Variants in ITSN1 observed in about 807,000 individuals in gnomAD.
The protein encoded by ITSN1 is intersectin 1.
ITSN1 carries 58 observed loss-of-function variants against 239.8 expected under a neutral mutation model. That is an observed-to-expected ratio of 0.24 (90% confidence interval 0.20 to 0.30). The LOEUF (loss-of-function observed/expected upper bound fraction) is 0.30. Ranked by LOEUF, ITSN1 falls within the 10% of genes least tolerant of loss-of-function variation. The pLI, the probability that ITSN1 is intolerant of heterozygous loss-of-function variation, is 1.00. For synonymous variants in ITSN1, 780 were observed against 770.8 expected, an observed-to-expected ratio of 1.01 and a Z score of -0.20; for missense variants, 1,558 against 2,103.3, an observed-to-expected ratio of 0.74 and a Z score of 5.07.
At chr21:33,877,469 G>A (rs1984133391) in intron 34 of ITSN1, among the ~76,000 whole-genome samples, 1 of 152,176 alleles carries the variant, frequency 6.6e-6, no homozygotes, top group Non-Finnish European at 1.5e-5. Context: ...GTGAATCGTG[G>A]TTGTAAACTT....
intron 38 of ITSN1, among the ~76,000 whole-genome samples, chr21:33,886,051 A>G (rs559947427): frequency 6.6e-6 from 1 of 152,136 alleles, no homozygotes; most frequent in East Asian, 1.9e-4. Flanking sequence ...TACTAAAAAT[A>G]TAAAAAATTA....
At chr21:33,886,176 C>T (rs1233831607) in intron 38 of ITSN1, 111 bp from the exon 39 acceptor site, 3 of 845,368 alleles carry the variant, frequency 3.5e-6, no homozygotes, top group African/African-American at 3.5e-5. Flanking sequence ...CATACCACTG[C>T]ACTGCAGCCT....
At chr21:33,808,731 G>A (rs2072665613) in intron 20 of ITSN1, among the ~76,000 whole-genome samples, 1 of 152,088 alleles carries the variant, frequency 6.6e-6, no homozygotes, top group South Asian at 2.1e-4. Flanking sequence ...GATTAAACTT[G>A]CCCAAAGTCA....
At chr21:33,770,660 C>A (rs2069090217) in intron 11 of ITSN1, among the ~76,000 whole-genome samples, 1 of 152,066 alleles carries the variant, frequency 6.6e-6, no homozygotes, top group African/African-American at 2.4e-5. Context: ...TCATATATGA[C>A]TGTTTATGAC....
In ITSN1 at chr21:33,781,457, C is replaced by G. The variant is rs1470476993; in HGVS notation, c.1597-4C>G. The G allele has an allele frequency of 6.5e-7, 1 of 1,546,278 alleles. No homozygotes were observed. Among genetic ancestry groups the G allele is most frequent in the Admixed American group, 1.7e-5 (1 of 57,892 alleles). Reference sequence around the variant, plus strand: ...TCATTACTATTTTCCTCCTTCCTTCCCAGGAATCTCAGCAAATGCTTGGAA... The same window carrying G: ...TCATTACTATTTTCCTCCTTCCTTCGCAGGAATCTCAGCAAATGCTTGGAA... On this transcript the variant is annotated splice_polypyrimidine_tract_variant and splice_region_variant and intron_variant, in intron 14 of 39. Transcript: ENST00000381318.
intron 29 of ITSN1, among the ~76,000 whole-genome samples, chr21:33,841,739 T>G (rs2074830951): frequency 6.6e-6 from 1 of 152,202 alleles, no homozygotes; most frequent in African/African-American, 2.4e-5. Flanking sequence ...ATTCATTCTC[T>G]TTAGTTCCAA....
intron 30 of ITSN1, among the ~76,000 whole-genome samples, chr21:33,857,851 A>G (rs1392868253): frequency 6.6e-6 from 1 of 152,134 alleles, no homozygotes; most frequent in Admixed American, 6.5e-5. Flanking sequence ...GCCCTGGTAC[A>G]TGCCGGGTTC....
At chr21:33,662,368 A>G (rs533820702) in intron 1 of ITSN1, among the ~76,000 whole-genome samples, 36 of 152,214 alleles carry the variant, frequency 2.4e-4, no homozygotes, top group Non-Finnish European at 4.7e-4. Context: ...ATCCCATCAT[A>G]ACAGGAAAGC....
intron 1 of ITSN1, among the ~76,000 whole-genome samples, chr21:33,671,109 G>A: frequency 6.6e-6 from 1 of 152,152 alleles, no homozygotes. Context: ...AGTCGTATGG[G>A]ACAATTCCTC....
At chr21:33,862,439 A>G (rs1417846955) in intron 31 of ITSN1, among the ~76,000 whole-genome samples, 1 of 152,192 alleles carries the variant, frequency 6.6e-6, no homozygotes, top group African/African-American at 2.4e-5. Context: ...AGTTTGGGGT[A>G]ATGACAGATG....
chr21:33,678,889 T>G (rs1031552922), intron 1 of ITSN1, among the ~76,000 whole-genome samples: 1 of 152,196 alleles, frequency 6.6e-6, no homozygotes, highest in Non-Finnish European at 1.5e-5. Context: ...AATTTTTGTA[T>G]TTTTAGTAGA....
At chr21:33,736,514 GAGC>G (rs2147273596) in intron 5 of ITSN1, among the ~76,000 whole-genome samples, 1 of 152,346 alleles carries the variant, frequency 6.6e-6, no homozygotes, top group East Asian at 1.9e-4. Flanking sequence ...AGGCGAGGAA[GAGC>G]AGAAGTGAAC....
At chr21:33,796,249 G>C (rs996754087) in intron 17 of ITSN1, among the ~76,000 whole-genome samples, 5 of 152,112 alleles carry the variant, frequency 3.3e-5, no homozygotes, top group African/African-American at 1.2e-4. Flanking sequence ...GGGATTACAG[G>C]CATGAGCCAC....
intron 39 of ITSN1, among the ~76,000 whole-genome samples, chr21:33,887,790 T>C (rs1181108711): frequency 6.6e-6 from 1 of 151,938 alleles, no homozygotes; most frequent in Non-Finnish European, 1.5e-5. Flanking sequence ...AAATTTTTTG[T>C]AGAGACAGGG....
At chr21:33,814,347 A>G (rs2073121945) in intron 22 of ITSN1, 2 of 391,432 alleles carry the variant, frequency 5.1e-6, no homozygotes, top group Non-Finnish European at 9.4e-6. Flanking sequence ...ACCAGTGGGT[A>G]AGATCTTACT....
intron 1 of ITSN1, among the ~76,000 whole-genome samples, chr21:33,672,985 G>C (rs1421377970): frequency 6.6e-6 from 1 of 152,116 alleles, no homozygotes; most frequent in Non-Finnish European, 1.5e-5. Context: ...GTAGGATTAC[G>C]GGCGGGAGGC....
intron 5 of ITSN1, among the ~76,000 whole-genome samples, chr21:33,737,995 A>C (rs6517190): frequency 0.98 from 148,627 of 152,182 alleles, 72,592 homozygotes; most frequent in East Asian, 1. Flanking sequence ...CCAACCTGGG[A>C]AACATGGCAA....
intron 31 of ITSN1, among the ~76,000 whole-genome samples, chr21:33,863,916 C>T (rs1458487647): frequency 6.6e-6 from 1 of 152,228 alleles, no homozygotes; most frequent in Non-Finnish European, 1.5e-5. Context: ...CCCCACACCC[C>T]AGAGGCAGCC....
intron 22 of ITSN1, chr21:33,817,356 A>C (rs955331468): frequency 7.7e-7 from 1 of 1,304,262 alleles, no homozygotes; most frequent in African/African-American, 1.5e-5. Context: ...CTCGGCCTGG[A>C]GTGCCCTTCC....
Sources: allele counts gnomAD v4.1 joint callset (sites outside exome capture counted in the v4.1 genomes callset), GRCh38; gene constraint gnomAD v4.1.1; transcripts MANE v1.5; gene names NCBI Gene and HGNC (gene_info 2026-07-23, HGNC 2026-07-21).